The following MICU1 variants were observed in gnomAD, a reference collection of about 807,000 sequenced individuals.
MICU1 encodes the protein mitochondrial calcium uptake 1.
MICU1 carries 45 observed loss-of-function variants against 56.8 expected under a neutral mutation model. That is an observed-to-expected ratio of 0.79 (90% CI 0.62 to 1.02). MICU1 has a LOEUF of 1.02. Ranked by LOEUF, MICU1 falls within the 50% of genes least tolerant of loss-of-function variation. The probability of loss-of-function intolerance (pLI) is 0.00; values close to 1 mark genes in which losing one functional copy is unlikely to be tolerated. For missense variants in MICU1, 504 were observed against 587.1 expected, an observed-to-expected ratio of 0.86 and a Z score of 1.46; for synonymous variants, 186 against 195.1, an observed-to-expected ratio of 0.95 and a Z score of 0.39.
chr10:72,621,510 A>ATAT (rs1274687513), intron 1 of MICU1, among the ~76,000 whole-genome samples: 1 of 152,140 alleles, frequency 6.6e-6, no homozygotes, highest in African/African-American at 2.4e-5. Context: ...AATAATAATA[A>ATAT]TAAAAAAATA....
At chr10:72,443,901 T>A (rs1308993510) in intron 8 of MICU1, among the ~76,000 whole-genome samples, 4 of 151,834 alleles carry the variant, frequency 2.6e-5, no homozygotes, top group African/African-American at 7.3e-5. Flanking sequence ...TAAATCATGC[T>A]GCTATAAAGA....
intron 1 of MICU1, among the ~76,000 whole-genome samples, chr10:72,607,351 A>AG: frequency 6.7e-6 from 1 of 150,152 alleles, no homozygotes; most frequent in African/African-American, 2.5e-5. Flanking sequence ...CAAAAAAAAA[A>AG]AAAAGGGAGC....
chr10:72,384,117 G>C (rs768923622), intron 10 of MICU1, among the ~76,000 whole-genome samples: 8 of 152,032 alleles, frequency 5.3e-5, no homozygotes, highest in Non-Finnish European at 1.0e-4. Context: ...CCTCAGCCTC[G>C]GAAGTAGCTA....
At chr10:72,538,494 A>G (rs957419568) in intron 4 of MICU1, among the ~76,000 whole-genome samples, 2 of 152,134 alleles carry the variant, frequency 1.3e-5, no homozygotes, top group Admixed American at 6.6e-5. Context: ...TGTGTCTGTG[A>G]TCAAAGTTAA....
chr10:72,560,959 A>T (rs1840281465), intron 3 of MICU1, among the ~76,000 whole-genome samples: 1 of 152,250 alleles, frequency 6.6e-6, no homozygotes, highest in East Asian at 1.9e-4. Flanking sequence ...ATGTCTATAT[A>T]GATTATGTAA....
chr10:72,457,104 T>C (rs1865495159), intron 8 of MICU1, among the ~76,000 whole-genome samples: 2 of 151,588 alleles, frequency 1.3e-5, no homozygotes, highest in South Asian at 4.2e-4. Flanking sequence ...AATTATAGGC[T>C]TGAGCCACCA....
At chr10:72,385,792 G>A (rs1320620568) in intron 10 of MICU1, among the ~76,000 whole-genome samples, 2 of 152,156 alleles carry the variant, frequency 1.3e-5, no homozygotes, top group African/African-American at 4.8e-5. Flanking sequence ...TGAGAAAGGT[G>A]ATGGGCTAGT....
intron 5 of MICU1, among the ~76,000 whole-genome samples, chr10:72,521,138 TAAGTC>T (rs1473212997): frequency 6.6e-6 from 1 of 152,030 alleles, no homozygotes; most frequent in African/African-American, 2.4e-5. Flanking sequence ...TCTTGAAAAA[TAAGTC>T]AATATAGTGA....
intron 1 of MICU1, among the ~76,000 whole-genome samples, chr10:72,622,778 T>C (rs893079635): frequency 6.6e-6 from 1 of 152,232 alleles, no homozygotes; most frequent in Non-Finnish European, 1.5e-5. Context: ...AGCATATTAC[T>C]TCAATAATAG....
At chr10:72,617,256 T>C (rs1300648572) in intron 1 of MICU1, among the ~76,000 whole-genome samples, 2 of 152,068 alleles carry the variant, frequency 1.3e-5, no homozygotes, top group Non-Finnish European at 2.9e-5. Context: ...TGGACTTTTT[T>C]CCCACATAAT....
chr10:72,385,754 G>A (rs909434237), intron 10 of MICU1, among the ~76,000 whole-genome samples: 3 of 152,090 alleles, frequency 2.0e-5, no homozygotes, highest in African/African-American at 4.8e-5. Flanking sequence ...CTGTGACTAC[G>A]ATAATCCTGT....
intron 1 of MICU1, among the ~76,000 whole-genome samples, chr10:72,611,695 ACT>A (rs1841854417): frequency 6.6e-6 from 1 of 152,156 alleles, no homozygotes; most frequent in Admixed American, 6.6e-5. Context: ...CTGCCCCAAT[ACT>A]CTCAAACACT....
chr10:72,588,336 T>A (rs1841123856), intron 1 of MICU1, among the ~76,000 whole-genome samples: 1 of 151,792 alleles, frequency 6.6e-6, no homozygotes, highest in African/African-American at 2.4e-5. Flanking sequence ...GTTTTTTTTT[T>A]TATAGCAGTG....
intron 1 of MICU1, among the ~76,000 whole-genome samples, chr10:72,614,777 G>A (rs1412501668): frequency 1.3e-5 from 2 of 152,196 alleles, no homozygotes; most frequent in African/African-American, 4.8e-5. Flanking sequence ...GGGAAATGAG[G>A]AATGAGCATT....
intron 8 of MICU1, among the ~76,000 whole-genome samples, chr10:72,474,068 C>G (rs1262414482): frequency 6.6e-6 from 1 of 151,618 alleles, no homozygotes; most frequent in Non-Finnish European, 1.5e-5. Flanking sequence ...ACCAGTCTGG[C>G]CAACATGGTG....
At chr10:72,601,788 C>A (rs1429833028) in intron 1 of MICU1, among the ~76,000 whole-genome samples, 1 of 63,352 alleles carries the variant, frequency 1.6e-5, no homozygotes, top group Non-Finnish European at 3.2e-5. Context: ...TTTTAAATTT[C>A]TTTTTTTCTT....
intron 5 of MICU1, among the ~76,000 whole-genome samples, chr10:72,518,790 CTT>C (rs993145584): frequency 1.5e-4 from 23 of 152,184 alleles, no homozygotes; most frequent in Admixed American, 2.6e-4. Flanking sequence ...AAGCGATTCT[CTT>C]GCTTCAGTCT....
At chr10:72,390,422 G>A (rs996495790) in intron 10 of MICU1, among the ~76,000 whole-genome samples, 2 of 152,140 alleles carry the variant, frequency 1.3e-5, no homozygotes, top group African/African-American at 2.4e-5. Flanking sequence ...TTGGCAGCAG[G>A]AGTGCTGCAA....
intron 3 of MICU1, among the ~76,000 whole-genome samples, chr10:72,559,668 T>C (rs1010957351): frequency 6.6e-6 from 1 of 151,966 alleles, no homozygotes; most frequent in Non-Finnish European, 1.5e-5. Flanking sequence ...ATGAATAAAC[T>C]TTTTTTTAAA....
Sources: gnomAD v4.1 joint callset for allele counts (sites outside exome capture counted in the v4.1 genomes callset) on GRCh38, gnomAD v4.1.1 for gene constraint, MANE v1.5 for transcripts, NCBI Gene and HGNC (gene_info 2026-07-23, HGNC 2026-07-21) for gene names.